The following PIAS1 variants were observed in gnomAD, a reference collection of about 807,000 sequenced individuals.
The protein encoded by PIAS1 is protein inhibitor of activated STAT 1.
A neutral mutation model predicts 71.3 loss-of-function variants in PIAS1; 6 were observed. That is an observed-to-expected ratio of 0.08 (90% CI 0.05 to 0.17). PIAS1 has a LOEUF of 0.17. Ranked by LOEUF, PIAS1 falls within the 10% of genes least tolerant of loss-of-function variation. The probability of loss-of-function intolerance (pLI) is 1.00; values close to 1 mark genes in which losing one functional copy is unlikely to be tolerated. For missense variants in PIAS1, 555 were observed against 793.6 expected, an observed-to-expected ratio of 0.70 and a Z score of 3.61; for synonymous variants, 303 against 292.9, an observed-to-expected ratio of 1.03 and a Z score of -0.35.
intron 11 of PIAS1, among the ~76,000 whole-genome samples, chr15:68,176,861 T>C (rs1404004764): frequency 1.3e-5 from 2 of 152,156 alleles, no homozygotes; most frequent in African/African-American, 4.8e-5. Context: ...ATTCTTCATA[T>C]CAAAAGATCA....
At position 68,191,232 on chromosome 15, in the gene PIAS1, A is replaced by G. The variant is rs2093118325; in HGVS notation, c.*3397A>G. ...AACAGATAAAGTTACCATAAATTCC[A>G]TGAACTTAAATCTGTGATTCATTGC... On this transcript the variant is annotated 3_prime_UTR_variant, in exon 14 of 14. Transcript: ENST00000249636. 1 of 152,686 alleles carries G rather than the reference A, an allele frequency of 6.5e-6. No individual in the cohort carries two copies. The highest frequency in any genetic ancestry group is 1.5e-5 in the Non-Finnish European group (1 of 68,046). The allele number at this position is 152,686 out of a possible 1,614,324, so 9.5% of individuals were successfully genotyped here.
intron 2 of PIAS1, among the ~76,000 whole-genome samples, chr15:68,137,614 G>A (rs764752674): frequency 1.3e-5 from 2 of 152,030 alleles, no homozygotes; most frequent in Admixed American, 1.3e-4. Flanking sequence ...GGCAGGAGAT[G>A]TACAGATTGA....
At chr15:68,108,839 A>C (rs1473773653) in intron 2 of PIAS1, among the ~76,000 whole-genome samples, 1 of 152,130 alleles carries the variant, frequency 6.6e-6, no homozygotes, top group Non-Finnish European at 1.5e-5. Flanking sequence ...GTATATCTAG[A>C]ATCTGACCAT....
At chr15:68,166,955 A>G (rs1286211789) in intron 8 of PIAS1, among the ~76,000 whole-genome samples, 1 of 152,084 alleles carries the variant, frequency 6.6e-6, no homozygotes, top group East Asian at 1.9e-4. Flanking sequence ...CCCCCCAAGT[A>G]GCTGGGACTA....
intron 2 of PIAS1, among the ~76,000 whole-genome samples, chr15:68,102,701 A>G (rs1459843188): frequency 6.6e-6 from 1 of 151,800 alleles, no homozygotes; most frequent in Non-Finnish European, 1.5e-5. Flanking sequence ...TTTTTTTCTG[A>G]GTGATTATAT....
At position 68,054,382 on chromosome 15, in the gene PIAS1, T is replaced by A; in HGVS notation, c.24+32T>A. 6.4e-7 allele frequency: 1 copy of A among 1,558,232 alleles called. No individual in the cohort carries two copies. Among genetic ancestry groups the A allele is most frequent in the Non-Finnish European group, 8.7e-7 (1 of 1,151,224 alleles). The stretch of plus-strand genomic sequence containing the variant: ...CGCAGCTCGAATTCACTTCTAATAT[T>A]CGGCCGCGGAGACGGCGCCGCTGCT... On this transcript the variant is annotated intron_variant, in intron 1 of 13. Transcript: ENST00000249636. This position sits in a 1 kb window ranked among gnomAD's most constrained non-coding sequence, Gnocchi z 4.6.
chr15:68,068,821 CAG>C (rs919733645), intron 1 of PIAS1, among the ~76,000 whole-genome samples: 2 of 151,378 alleles, frequency 1.3e-5, no homozygotes, highest in African/African-American at 4.9e-5. Context: ...GTTGAATCGT[CAG>C]AGTTATGAGA....
chr15:68,082,115 C>CT (rs1421739243), intron 1 of PIAS1, among the ~76,000 whole-genome samples: 4 of 152,150 alleles, frequency 2.6e-5, no homozygotes, highest in Non-Finnish European at 5.9e-5. Context: ...GCCCAGCACT[C>CT]TGTACTGAGC....
intron 2 of PIAS1, among the ~76,000 whole-genome samples, chr15:68,106,991 A>ATGCACTC (rs2092476979): frequency 6.6e-6 from 1 of 152,178 alleles, no homozygotes; most frequent in Non-Finnish European, 1.5e-5. Flanking sequence ...GCATGGTAAG[A>ATGCACTC]TGCACTCGTG....
chr15:68,146,606 G>T lies in PIAS1; in HGVS notation c.734G>T (p.Arg245Leu), dbSNP rs764996234. ...PPTKNGVEPK[R>L]PSRPINITSL... ...ACAAAAAATGGCGTGGAACCAAAGC[G>T]ACCCAGCCGACCAATTAATATCACC... Residue 245 changes from arginine to leucine, a missense_variant, in exon 6 of 14, where the codon CGA becomes CTA. Physicochemically the swap from Arg to Leu is moderately radical, Grantham distance 102. Coordinates refer to ENST00000249636, the MANE Select transcript of PIAS1 (RefSeq NM_016166.3). 4 of 1,612,902 alleles carry T rather than the reference G, an allele frequency of 2.5e-6. No homozygotes were observed. Among genetic ancestry groups the T allele is most frequent in the Non-Finnish European group, 3.4e-6 (4 of 1,179,122 alleles).
At chr15:68,116,459 A>G (rs1203838887) in intron 2 of PIAS1, among the ~76,000 whole-genome samples, 1 of 152,072 alleles carries the variant, frequency 6.6e-6, no homozygotes, top group Non-Finnish European at 1.5e-5. Context: ...TCGACAATCT[A>G]TGTCTTTTCT....
intron 2 of PIAS1, among the ~76,000 whole-genome samples, chr15:68,089,036 T>C (rs762791638): frequency 2.6e-5 from 4 of 152,222 alleles, no homozygotes; most frequent in Non-Finnish European, 4.4e-5. Context: ...GAGTCCAGAA[T>C]GGGACAGGCA....
chr15:68,128,648 A>T (rs1173461800), intron 2 of PIAS1, among the ~76,000 whole-genome samples: 2 of 152,200 alleles, frequency 1.3e-5, no homozygotes, highest in Admixed American at 1.3e-4. Context: ...TTATTAGAAC[A>T]TCATCTGTTA....
chr15:68,153,814 T>A, intron 7 of PIAS1, 119 bp downstream of exon 7: 1 of 609,088 alleles, frequency 1.6e-6, no homozygotes, highest in Non-Finnish European at 2.9e-6. Flanking sequence ...GTGTAGTTCT[T>A]AGAGTAGTTC....
chr15:68,092,823 C>T (rs1387510759), intron 2 of PIAS1, among the ~76,000 whole-genome samples: 1 of 152,174 alleles, frequency 6.6e-6, no homozygotes, highest in Admixed American at 6.5e-5. Flanking sequence ...TCTTGGACTT[C>T]CCAGCTTCCA....
At chr15:68,162,291 A>G (rs768372867) in intron 7 of PIAS1, among the ~76,000 whole-genome samples, 25 of 152,150 alleles carry the variant, frequency 1.6e-4, no homozygotes, top group Non-Finnish European at 3.1e-4. Flanking sequence ...GGTTGATACT[A>G]TGATCTATAA....
intron 1 of PIAS1, chr15:68,055,221 A>G: frequency 2.0e-6 from 2 of 985,130 alleles, no homozygotes; most frequent in Non-Finnish European, 2.4e-6. Flanking sequence ...GCGATGCTGT[A>G]GCTGATGGAG....
At chr15:68,059,232 C>T (rs936142712) in intron 1 of PIAS1, among the ~76,000 whole-genome samples, 5 of 151,896 alleles carry the variant, frequency 3.3e-5, no homozygotes, top group African/African-American at 4.8e-5. Flanking sequence ...TGGTCTCGAT[C>T]TCCTGACCTT....
At chr15:68,116,964 A>C (rs2092570204) in intron 2 of PIAS1, among the ~76,000 whole-genome samples, 1 of 152,164 alleles carries the variant, frequency 6.6e-6, no homozygotes, top group African/African-American at 2.4e-5. Context: ...TACATGTATA[A>C]ATTGTGTAGT....
Sources: gnomAD v4.1 joint callset for allele counts (sites outside exome capture counted in the v4.1 genomes callset) on GRCh38, gnomAD v4.1.1 for gene constraint, Gnocchi (gnomAD v3.1) non-coding constraint, MANE v1.5 for transcripts, NCBI Gene and HGNC (gene_info 2026-07-23, HGNC 2026-07-21) for gene names.